The following EXOC4 variants were observed in gnomAD, a reference collection of about 807,000 sequenced individuals.
EXOC4 encodes the protein SEC8-like 1.
In EXOC4, 71 loss-of-function variants were observed where a neutral mutation model predicts 107.2. The observed-to-expected ratio is 0.66, with a 90% CI of 0.55 to 0.81. The LOEUF (loss-of-function observed/expected upper bound fraction) is 0.81, where lower values mean the gene tolerates loss of function less well. Ranked by LOEUF, EXOC4 falls within the 30% of genes least tolerant of loss-of-function variation. EXOC4 has a pLI of 0.00. For synonymous variants in EXOC4, 456 were observed against 441.2 expected, an observed-to-expected ratio of 1.03 and a Z score of -0.42; for missense variants, 1,108 against 1,189.6, an observed-to-expected ratio of 0.93 and a Z score of 1.01.
chr7:133,514,252 C>T (rs1253514271), intron 9 of EXOC4, among the ~76,000 whole-genome samples: 2 of 151,976 alleles, frequency 1.3e-5, no homozygotes, highest in Non-Finnish European at 2.9e-5. Context: ...GCAGCCTCCA[C>T]CTCCCCGGTT....
At chr7:133,588,136 C>A (rs1192436965) in intron 9 of EXOC4, among the ~76,000 whole-genome samples, 2 of 152,156 alleles carry the variant, frequency 1.3e-5, no homozygotes, top group African/African-American at 4.8e-5. Context: ...GCAGGAATGC[C>A]TTCTGTTTTG....
At chr7:133,553,845 A>G (rs1800640682) in intron 9 of EXOC4, among the ~76,000 whole-genome samples, 1 of 152,184 alleles carries the variant, frequency 6.6e-6, no homozygotes, top group African/African-American at 2.4e-5. Context: ...TTTATCGCTC[A>G]CGTAACATGT....
intron 9 of EXOC4, among the ~76,000 whole-genome samples, chr7:133,593,355 A>C (rs937774958): frequency 6.6e-6 from 1 of 152,206 alleles, no homozygotes. Context: ...CTTGTTCACT[A>C]TCTGAAATTA....
chr7:134,063,668 A>G (rs1796122837), intron 17 of EXOC4, among the ~76,000 whole-genome samples: 1 of 152,192 alleles, frequency 6.6e-6, no homozygotes, highest in African/African-American at 2.4e-5. Flanking sequence ...ACTTGAGGAA[A>G]GGGGCTGTGT....
intron 9 of EXOC4, among the ~76,000 whole-genome samples, chr7:133,491,105 A>G (rs1032526460): frequency 3.3e-5 from 5 of 152,236 alleles, no homozygotes; most frequent in Middle Eastern, 3.4e-3. Flanking sequence ...CCAGCTTGTA[A>G]TTTTGGTGTG....
chr7:133,384,634 T>TGAC (rs1172302907), intron 7 of EXOC4, among the ~76,000 whole-genome samples: 1 of 151,978 alleles, frequency 6.6e-6, no homozygotes, highest in African/African-American at 2.4e-5. Context: ...GCTACTGGCA[T>TGAC]GACCTTCACT....
At chr7:133,555,168 T>C (rs1800667869) in intron 9 of EXOC4, among the ~76,000 whole-genome samples, 1 of 152,180 alleles carries the variant, frequency 6.6e-6, no homozygotes, top group African/African-American at 2.4e-5. Flanking sequence ...GACATCTAAA[T>C]AGATGGAAAA....
intron 6 of EXOC4, among the ~76,000 whole-genome samples, chr7:133,369,260 C>T (rs1360691121): frequency 1.3e-5 from 2 of 152,170 alleles, no homozygotes; most frequent in Non-Finnish European, 2.9e-5. Flanking sequence ...TTATTCTTTG[C>T]TGCATCAGAG....
chr7:133,551,528 T>C (rs1332523437), intron 9 of EXOC4: 2 of 152,200 alleles, frequency 1.3e-5, no homozygotes, highest in African/African-American at 4.8e-5. Flanking sequence ...AGTCAGTAGT[T>C]AAATGTATAA....
chr7:133,950,744 C>T (rs559430149), intron 14 of EXOC4, among the ~76,000 whole-genome samples: 1 of 152,282 alleles, frequency 6.6e-6, no homozygotes, highest in East Asian at 1.9e-4. Flanking sequence ...GCATTGTAGT[C>T]AGTCTTCATA....
intron 9 of EXOC4, among the ~76,000 whole-genome samples, chr7:133,613,518 C>T (rs1284854532): frequency 6.6e-6 from 1 of 151,890 alleles, no homozygotes; most frequent in Non-Finnish European, 1.5e-5. Context: ...ATACTGTAAG[C>T]TTTGAATAAC....
At chr7:134,040,386 C>T (rs935235020) in intron 17 of EXOC4, among the ~76,000 whole-genome samples, 6 of 152,174 alleles carry the variant, frequency 3.9e-5, no homozygotes, top group East Asian at 1.9e-4. Flanking sequence ...ATGTGACTCA[C>T]GGTGCAACCT....
At chr7:133,373,341 T>C (rs1053871520) in intron 6 of EXOC4, among the ~76,000 whole-genome samples, 1 of 152,216 alleles carries the variant, frequency 6.6e-6, no homozygotes, top group Non-Finnish European at 1.5e-5. Flanking sequence ...AAAAGAATCA[T>C]CAATCAAAAG....
At chr7:133,510,778 T>G (rs1260091174) in intron 9 of EXOC4, among the ~76,000 whole-genome samples, 1 of 152,226 alleles carries the variant, frequency 6.6e-6, no homozygotes, top group African/African-American at 2.4e-5. Flanking sequence ...CTTGATAGTT[T>G]ATTCATTCAC....
chr7:134,028,971 G>A (rs1047626041), intron 17 of EXOC4, among the ~76,000 whole-genome samples: 3 of 152,192 alleles, frequency 2.0e-5, no homozygotes, highest in African/African-American at 7.2e-5. Flanking sequence ...GGATCCTCAG[G>A]TGGCCCCTTC....
At chr7:133,614,350 A>T (rs897864287) in intron 9 of EXOC4, among the ~76,000 whole-genome samples, 32 of 148,242 alleles carry the variant, frequency 2.2e-4, no homozygotes, top group African/African-American at 8.2e-4. Context: ...AGTCTTGAAT[A>T]ACAAGAACCT....
At chr7:133,925,196 A>G (rs974846773) in intron 13 of EXOC4, among the ~76,000 whole-genome samples, 5 of 152,162 alleles carry the variant, frequency 3.3e-5, no homozygotes, top group Non-Finnish European at 7.3e-5. Flanking sequence ...TGCATTGAAT[A>G]AAGGTTACGT....
intron 9 of EXOC4, among the ~76,000 whole-genome samples, chr7:133,577,453 A>G (rs764447937): frequency 5.3e-5 from 8 of 152,226 alleles, no homozygotes; most frequent in Non-Finnish European, 8.8e-5. Flanking sequence ...ATTACTATCA[A>G]ATTAGAAGAT....
chr7:133,703,288 A>G (rs1339589504), intron 10 of EXOC4, among the ~76,000 whole-genome samples: 1 of 152,172 alleles, frequency 6.6e-6, no homozygotes, highest in Non-Finnish European at 1.5e-5. Context: ...CAACCACACC[A>G]ATGTTCATTG....
Sources: gnomAD v4.1 joint callset for allele counts (sites outside exome capture counted in the v4.1 genomes callset) on GRCh38, gnomAD v4.1.1 for gene constraint, MANE v1.5 for transcripts, NCBI Gene and HGNC (gene_info 2026-07-23, HGNC 2026-07-21) for gene names.